CDH23: variants seen among roughly 807,000 people sequenced by gnomAD.
The protein encoded by CDH23 is cadherin-23.
In CDH23, 189 loss-of-function variants were observed where a neutral mutation model predicts 317.1. That is an observed-to-expected ratio of 0.60 (90% CI 0.53 to 0.67). CDH23 has a LOEUF of 0.67. Ranked by LOEUF, CDH23 falls within the 30% of genes least tolerant of loss-of-function variation. The pLI is 0.00. For synonymous variants in CDH23, 1,839 were observed against 1,876.8 expected, an observed-to-expected ratio of 0.98 and a Z score of 0.52; for missense variants, 4,401 against 4,592.4, an observed-to-expected ratio of 0.96 and a Z score of 1.20.
chr10:71,577,968 G>A lies in CDH23; in HGVS notation c.808G>A (p.Gly270Ser), dbSNP rs1483044354. Residue 270 changes from glycine to serine, a missense_variant, in exon 9 of 70, where the codon GGC (glycine) becomes AGC (serine). This residue lies in a region of CDH23 where 3,068 missense variants were observed against 3,203.3 expected (regional missense o/e 0.96). Coordinates refer to ENST00000224721, the MANE Select transcript of CDH23 (RefSeq NM_022124.6). ...AGACCAGGATAAAGGACGTCCCCGG[G>A]GCATTGGCTACACCATCGTTTCAGG... is the stretch of plus-strand genomic sequence containing the variant. ...AIDQDKGRPR[G>S]IGYTIVSGNT... 6.2e-6 allele frequency: 10 copies of A among 1,603,828 alleles called. No homozygotes were observed. The highest frequency in any genetic ancestry group is 1.1e-5 in the South Asian group (1 of 88,628).
intron 1 of CDH23, among the ~76,000 whole-genome samples, chr10:71,436,648 AC>A (rs1849636620): frequency 6.6e-6 from 1 of 152,142 alleles, no homozygotes. Context: ...TAAAAATAAT[AC>A]CCGTGAAAAT....
chr10:71,495,130 G>C (rs1852889943), intron 3 of CDH23, among the ~76,000 whole-genome samples: 1 of 152,208 alleles, frequency 6.6e-6, no homozygotes, highest in African/African-American at 2.4e-5. Context: ...ACAGAGGCAA[G>C]AACGGCATTT....
At chr10:71,684,483 G>C (rs1325016908) in intron 18 of CDH23, among the ~76,000 whole-genome samples, 1 of 152,194 alleles carries the variant, frequency 6.6e-6, no homozygotes, top group African/African-American at 2.4e-5. Flanking sequence ...GTGGAAAGAG[G>C]GGTGTGGCTG....
intron 45 of CDH23, 53 bp from the exon 46 acceptor site, chr10:71,790,235 G>A: frequency 5.0e-6 from 8 of 1,601,914 alleles, no homozygotes; most frequent in Non-Finnish European, 6.8e-6. Flanking sequence ...AGGGGAGGTG[G>A]GAGGGCAGGG....
At chr10:71,572,325 C>T (rs948774145) in intron 8 of CDH23, among the ~76,000 whole-genome samples, 5 of 152,196 alleles carry the variant, frequency 3.3e-5, no homozygotes, top group African/African-American at 4.8e-5. Flanking sequence ...GATACCTTCT[C>T]AGCATCAGGT....
At chr10:71,609,359 G>A (rs1860722819) in intron 9 of CDH23, among the ~76,000 whole-genome samples, 1 of 150,674 alleles carries the variant, frequency 6.6e-6, no homozygotes, top group South Asian at 2.1e-4. Context: ...TTGACTCTGC[G>A]GCGCCCTCTA....
intron 49 of CDH23, among the ~76,000 whole-genome samples, chr10:71,798,031 A>G (rs758359881): frequency 1.3e-5 from 2 of 152,188 alleles, no homozygotes; most frequent in Non-Finnish European, 2.9e-5. Context: ...GGTTACATAG[A>G]GGGGATACAT....
chr10:71,503,382 AT>A (rs1306794009), intron 3 of CDH23, among the ~76,000 whole-genome samples: 1 of 152,142 alleles, frequency 6.6e-6, no homozygotes, highest in Non-Finnish European at 1.5e-5. Context: ...TCCCCTGTCC[AT>A]TTGTGCACAC....
At chr10:71,743,230 G>C (rs1214495148) in intron 38 of CDH23, among the ~76,000 whole-genome samples, 1 of 152,172 alleles carries the variant, frequency 6.6e-6, no homozygotes, top group Non-Finnish European at 1.5e-5. Flanking sequence ...GTGGTTACAA[G>C]GAAGGTGAAG....
At chr10:71,702,461 C>A in intron 23 of CDH23, 88 bp from the exon 24 acceptor site, 1 of 1,534,878 alleles carries the variant, frequency 6.5e-7, no homozygotes, top group Non-Finnish European at 9.0e-7. Flanking sequence ...GAATCTGCCA[C>A]CCTCTCACCA....
At chr10:71,489,034 A>G (rs1048287378) in intron 3 of CDH23, among the ~76,000 whole-genome samples, 4 of 152,138 alleles carry the variant, frequency 2.6e-5, no homozygotes, top group Non-Finnish European at 5.9e-5. Flanking sequence ...TTTCTTTGGT[A>G]TTCTGAAGTT....
intron 11 of CDH23, among the ~76,000 whole-genome samples, chr10:71,620,033 C>T (rs1051996514): frequency 1.3e-5 from 2 of 152,202 alleles, no homozygotes; most frequent in African/African-American, 2.4e-5. Context: ...TGATTTCTCA[C>T]GTGGACGACT....
rs2132939313 is a variant in CDH23 at position 71,785,010 on chromosome 10, G to C, written c.5622G>C (p.Leu1874=). The C allele has an allele frequency of 6.2e-7, 1 of 1,614,040 alleles. No individual in the cohort carries two copies. Among genetic ancestry groups the C allele is most frequent in the South Asian group, 1.1e-5 (1 of 91,088 alleles). Residue 1874 remains leucine, a synonymous_variant, in exon 43 of 70, where the codon CTG becomes CTC. Coordinates refer to ENST00000224721, the MANE Select transcript of CDH23 (RefSeq NM_022124.6). ...TCTCCAGCTTTGTCGCCCATGTCCTGGCCAGTGACGCTGACAGTGGCTGCA... is the reference window on the plus strand; with the variant it reads ...TCTCCAGCTTTGTCGCCCATGTCCTCGCCAGTGACGCTGACAGTGGCTGCA... ...SPVSSFVAHV[L]ASDADSGCNA...
rs1430692498 is a variant in CDH23 at position 71,397,508 on chromosome 10, C to T, written c.-6+190C>T. ...CAGGCCCCTGGCCCTAGCCTCGCGC[C>T]CCGCTCCGAGCTCCCCGACGCGCGG... On this transcript the variant is annotated intron_variant, in intron 1 of 69. Transcript: ENST00000224721. The surrounding 1 kb of genome is among the most constrained non-coding windows in gnomAD (Gnocchi z 4.8). 1.3e-5 allele frequency among the ~76,000 whole-genome samples: 2 copies of T among 151,402 alleles called. No individual in the cohort carries two copies. The highest frequency in any genetic ancestry group is 6.6e-5 in the Admixed American group (1 of 15,240).
At chr10:71,505,572 A>G (rs539573522) in intron 3 of CDH23, among the ~76,000 whole-genome samples, 1 of 152,276 alleles carries the variant, frequency 6.6e-6, no homozygotes, top group South Asian at 2.1e-4. Context: ...ACCCCTCGGG[A>G]GAACACTCAC....
intron 6 of CDH23, among the ~76,000 whole-genome samples, chr10:71,542,617 G>A (rs1397293363): frequency 6.6e-6 from 1 of 152,204 alleles, no homozygotes; most frequent in African/African-American, 2.4e-5. Context: ...AGCTCAGCAG[G>A]CGCCCACCTA....
intron 2 of CDH23, among the ~76,000 whole-genome samples, chr10:71,440,514 G>A (rs1849825335): frequency 6.6e-6 from 1 of 152,240 alleles, no homozygotes; most frequent in Admixed American, 6.5e-5. Flanking sequence ...AGACCAAGAA[G>A]TAGTTTTAAA....
At chr10:71,748,909 G>A (rs1197136502) in intron 38 of CDH23, 3 of 152,870 alleles carry the variant, frequency 2.0e-5, no homozygotes. Context: ...TGGGAGCTCA[G>A]AGTAAATTTC....
chr10:71,503,398 A>G (rs1461242143), intron 3 of CDH23, among the ~76,000 whole-genome samples: 3 of 152,226 alleles, frequency 2.0e-5, no homozygotes, highest in African/African-American at 7.2e-5. Context: ...GCACACAGTT[A>G]AGAATTAACT....
Sources: gnomAD v4.1 joint callset for allele counts (sites outside exome capture counted in the v4.1 genomes callset) on GRCh38, gnomAD v4.1.1 for gene constraint, gnomAD v4.1.1 regional missense constraint, Gnocchi (gnomAD v3.1) non-coding constraint, MANE v1.5 for transcripts, NCBI Gene and HGNC (gene_info 2026-07-23, HGNC 2026-07-21) for gene names.